CLASP1: variants seen among roughly 807,000 people sequenced by gnomAD.
CLASP1 encodes cytoplasmic linker associated protein 1.
Under a neutral mutation model 192.3 loss-of-function variants are expected in CLASP1, and 38 were observed. The observed-to-expected ratio is 0.20, with a 90% CI of 0.15 to 0.26. The LOEUF is 0.26. Among genes scored for constraint, CLASP1 ranks in the 10% least tolerant of loss-of-function variants. The probability of loss-of-function intolerance (pLI) is 1.00; values close to 1 mark genes in which losing one functional copy is unlikely to be tolerated. For missense variants in CLASP1, 1,433 were observed against 1,932.5 expected, an observed-to-expected ratio of 0.74 and a Z score of 4.85; for synonymous variants, 691 against 712.8, an observed-to-expected ratio of 0.97 and a Z score of 0.49.
chr2:121,501,856 AATG>A (rs1359450514), intron 8 of CLASP1, among the ~76,000 whole-genome samples: 2 of 152,208 alleles, frequency 1.3e-5, no homozygotes, highest in Non-Finnish European at 2.9e-5. Context: ...AGACAGTAGT[AATG>A]ATGAGGAGAA....
At chr2:121,484,375 C>A (rs2092827455) in intron 8 of CLASP1, among the ~76,000 whole-genome samples, 1 of 152,124 alleles carries the variant, frequency 6.6e-6, no homozygotes, top group South Asian at 2.1e-4. Flanking sequence ...AATCACATTG[C>A]CCAATTTATG....
intron 1 of CLASP1, among the ~76,000 whole-genome samples, chr2:121,629,805 A>C (rs2069141181): frequency 6.6e-6 from 1 of 152,080 alleles, no homozygotes; most frequent in South Asian, 2.1e-4. Flanking sequence ...AAAAATAAAA[A>C]AGCAAACTAG....
chr2:121,497,592 G>A (rs1350871224), intron 8 of CLASP1, among the ~76,000 whole-genome samples: 1 of 152,184 alleles, frequency 6.6e-6, no homozygotes, highest in African/African-American at 2.4e-5. Flanking sequence ...CCTGAGAAAG[G>A]AAAAGGCCTA....
chr2:121,573,713 T>C (rs748604090), intron 2 of CLASP1, among the ~76,000 whole-genome samples: 5 of 152,236 alleles, frequency 3.3e-5, no homozygotes, highest in East Asian at 3.8e-4. Flanking sequence ...TTTGATACCA[T>C]AGTTTGGCCA....
At chr2:121,366,310 A>C (rs2067396395) in intron 35 of CLASP1, among the ~76,000 whole-genome samples, 1 of 152,222 alleles carries the variant, frequency 6.6e-6, no homozygotes, top group Non-Finnish European at 1.5e-5. Context: ...CTATACCCTA[A>C]TAGCTCACTG....
intron 16 of CLASP1, among the ~76,000 whole-genome samples, chr2:121,450,611 C>T (rs1243090691): frequency 6.6e-6 from 1 of 152,164 alleles, no homozygotes; most frequent in Non-Finnish European, 1.5e-5. Flanking sequence ...TACAATATGG[C>T]TTAATGAGTA....
At chr2:121,497,711 T>TTTTC (rs376973004) in intron 8 of CLASP1, among the ~76,000 whole-genome samples, 25 of 151,812 alleles carry the variant, frequency 1.6e-4, no homozygotes, top group East Asian at 3.9e-4. Flanking sequence ...CAGACCCAGC[T>TTTTC]TTTCTTTCTT....
intron 2 of CLASP1, among the ~76,000 whole-genome samples, chr2:121,568,244 G>A (rs574928311): frequency 2.9e-4 from 44 of 152,036 alleles, no homozygotes; most frequent in Non-Finnish European, 5.4e-4. Context: ...TTCAGAGACA[G>A]CACATTACTG....
At chr2:121,632,174 G>A (rs2069818257) in intron 1 of CLASP1, among the ~76,000 whole-genome samples, 1 of 152,210 alleles carries the variant, frequency 6.6e-6, no homozygotes, top group East Asian at 1.9e-4. Flanking sequence ...AGCCTGGGAG[G>A]CAGAGGTTGC....
chr2:121,467,045 C>T (rs1397703533), intron 9 of CLASP1, among the ~76,000 whole-genome samples: 1 of 152,188 alleles, frequency 6.6e-6, no homozygotes, highest in Non-Finnish European at 1.5e-5. Flanking sequence ...TCATTCAGCT[C>T]CCACTTATAA....
intron 6 of CLASP1, among the ~76,000 whole-genome samples, chr2:121,522,711 G>C (rs1477259161): frequency 6.6e-6 from 1 of 152,142 alleles, no homozygotes; most frequent in Non-Finnish European, 1.5e-5. Context: ...AGTGAAACTA[G>C]TGTCTGGTAT....
chr2:121,348,442 C>G, intron 38 of CLASP1, 70 bp downstream of exon 39: 2 of 1,374,108 alleles, frequency 1.5e-6, no homozygotes, highest in East Asian at 5.0e-5. Context: ...GAGCACAAAG[C>G]CCTTACATTA....
chr2:121,534,522 A>T (rs993478149), intron 2 of CLASP1, among the ~76,000 whole-genome samples: 3 of 151,998 alleles, frequency 2.0e-5, no homozygotes, highest in Admixed American at 2.0e-4. Context: ...TCCTGTAAAA[A>T]TTTTCTTTTG....
chr2:121,531,124 G>A (rs749350798), intron 2 of CLASP1: 53 of 625,940 alleles, frequency 8.5e-5, no homozygotes, highest in Admixed American at 3.3e-4. Flanking sequence ...AGTGTCGCAA[G>A]TAAAGTTCTT....
chr2:121,541,009 T>TGCA (rs1324519990), intron 2 of CLASP1, among the ~76,000 whole-genome samples: 1 of 152,198 alleles, frequency 6.6e-6, no homozygotes, highest in Non-Finnish European at 1.5e-5. Context: ...TTGTGTTTTG[T>TGCA]GCACATTCTA....
intron 9 of CLASP1, among the ~76,000 whole-genome samples, chr2:121,463,885 T>G (rs1216056875): frequency 6.6e-6 from 1 of 152,076 alleles, no homozygotes; most frequent in Non-Finnish European, 1.5e-5. Flanking sequence ...AGGGTACATG[T>G]GCACAATGTG....
intron 1 of CLASP1, among the ~76,000 whole-genome samples, chr2:121,616,714 C>A (rs2066527488): frequency 6.6e-6 from 1 of 152,154 alleles, no homozygotes; most frequent in African/African-American, 2.4e-5. Context: ...CCATGCCCTG[C>A]CAGCAGGAAG....
At chr2:121,603,249 T>C (rs1221533125) in intron 2 of CLASP1, 2 of 151,770 alleles carry the variant, frequency 1.3e-5, no homozygotes, top group South Asian at 4.2e-4. Context: ...TATCCAATTT[T>C]AAAAATGGAC....
chr2:121,521,407 C>T (rs576058431), intron 6 of CLASP1, among the ~76,000 whole-genome samples: 5 of 152,166 alleles, frequency 3.3e-5, no homozygotes, highest in Non-Finnish European at 5.9e-5. Context: ...GCCAACCGTG[C>T]GTGTGGTACC....
Sources: allele counts gnomAD v4.1 joint callset (sites outside exome capture counted in the v4.1 genomes callset), GRCh38; gene constraint gnomAD v4.1.1; transcripts MANE v1.5; gene names NCBI Gene and HGNC (gene_info 2026-07-23, HGNC 2026-07-21).